Variants in ADCY3 observed in about 807,000 individuals in gnomAD.
ADCY3 encodes adenylate cyclase type 3.
ADCY3 carries 70 observed loss-of-function variants against 119.4 expected under a neutral mutation model. The ratio of observed to expected loss-of-function variants is 0.59; its 90% CI spans 0.48 to 0.72. The LOEUF is 0.72. Among genes scored for constraint, ADCY3 ranks in the 30% least tolerant of loss-of-function variants. The pLI is 0.00. For missense variants in ADCY3, 1,238 were observed against 1,541.6 expected, an observed-to-expected ratio of 0.80 and a Z score of 3.30; for synonymous variants, 672 against 621.4, an observed-to-expected ratio of 1.08 and a Z score of -1.21.
chr2:24,864,738 G>C (rs908767620), intron 3 of ADCY3, among the ~76,000 whole-genome samples: 4 of 152,220 alleles, frequency 2.6e-5, no homozygotes, highest in African/African-American at 9.6e-5. Flanking sequence ...AATGGGCACA[G>C]AGTTTCTCTT....
intron 3 of ADCY3, among the ~76,000 whole-genome samples, chr2:24,854,825 G>A (rs534923013): frequency 9.2e-5 from 14 of 152,172 alleles, no homozygotes; most frequent in East Asian, 3.9e-4. Flanking sequence ...TGAGGTGGGC[G>A]GATCACTTAA....
At chr2:24,833,182 G>A (rs1012094564) in intron 11 of ADCY3, among the ~76,000 whole-genome samples, 2 of 152,210 alleles carry the variant, frequency 1.3e-5, no homozygotes, top group Non-Finnish European at 2.9e-5. Context: ...CACAACAGGG[G>A]ACTCCTCTGC....
chr2:24,834,894 G>T lies in ADCY3; in HGVS notation c.1705C>A (p.Leu569Met), dbSNP rs1327311702. The change falls in exon 10 of 22, where the codon CTG (leucine) becomes ATG (methionine). Residue 569 changes from leucine (L) to methionine (M), a missense_variant. Coordinates refer to ENST00000679454, the MANE Select transcript of ADCY3 (RefSeq NM_004036.5). This position sits in a 1 kb window ranked among gnomAD's most constrained non-coding sequence, Gnocchi z 4.2. ...ACCACTCGGTCAGCCAGGTCCTGCA[G>T]GCGCAGCCTCCGGCGTGGGTTGGGG... ...SFPNPRRRLR[L>M]QDLADRVVDA... 1 of 1,613,916 alleles carries T rather than the reference G, an allele frequency of 6.2e-7. No homozygotes were observed. The highest frequency in any genetic ancestry group is 8.5e-7 in the Non-Finnish European group (1 of 1,179,982).
intron 2 of ADCY3, among the ~76,000 whole-genome samples, chr2:24,879,591 G>A (rs1044586445): frequency 2.0e-5 from 3 of 151,876 alleles, no homozygotes; most frequent in Non-Finnish European, 4.4e-5. Flanking sequence ...CTTTGAGGAC[G>A]TTTTACAAGA....
intron 16 of ADCY3, among the ~76,000 whole-genome samples, chr2:24,824,921 AG>A (rs1232773891): frequency 6.6e-6 from 1 of 152,188 alleles, no homozygotes; most frequent in Non-Finnish European, 1.5e-5. Context: ...ACGTGAATGG[AG>A]GAACTCCCCT....
chr2:24,822,727 C>T, intron 18 of ADCY3, 97 bp from the exon 19 acceptor site: 1 of 1,483,572 alleles, frequency 6.7e-7, no homozygotes, highest in Non-Finnish European at 9.1e-7. Context: ...CCCCACTAAA[C>T]CCAAGAGACA....
chr2:24,821,299 A>G, intron 20 of ADCY3: 1 of 598,800 alleles, frequency 1.7e-6, no homozygotes, highest in African/African-American at 1.9e-5. Flanking sequence ...AACAGTAGGC[A>G]CAGTATAGTC....
intron 19 of ADCY3, 165 bp downstream of exon 19, chr2:24,822,346 C>T: frequency 9.8e-7 from 1 of 1,024,150 alleles, no homozygotes; most frequent in Non-Finnish European, 1.4e-6. Flanking sequence ...GCTTGCCGAA[C>T]TTTCTCAATA....
chr2:24,885,605 C>G (rs886284312), intron 2 of ADCY3, among the ~76,000 whole-genome samples: 3 of 152,160 alleles, frequency 2.0e-5, no homozygotes, highest in African/African-American at 7.2e-5. Context: ...CTCCTTTTTC[C>G]TCACTCTTGC....
chr2:24,846,127 G>A (rs1469105931), intron 3 of ADCY3, among the ~76,000 whole-genome samples: 1 of 152,264 alleles, frequency 6.6e-6, no homozygotes, highest in African/African-American at 2.4e-5. Flanking sequence ...GGGCAGTGTG[G>A]AAGGGAAATG....
rs148940746 is a variant in ADCY3 at position 24,878,932 on chromosome 2, G to A, written c.676-6213C>T. Among the ~76,000 whole-genome samples, 38 of 152,236 alleles carry A rather than the reference G, an allele frequency of 2.5e-4. No individual in the cohort carries two copies. The East Asian group carries it at 6.8e-3, about 27-fold the overall frequency. On this transcript the variant is annotated intron_variant, in intron 2 of 21. Coordinates refer to ENST00000679454, the MANE Select transcript of ADCY3 (RefSeq NM_004036.5). This position sits in a 1 kb window ranked among gnomAD's most constrained non-coding sequence, Gnocchi z 4.0. ...TCTGTCCTCACTCCTTCGCCTCGTC[G>A]CCTGGAAAGCAAACTCCATGCAGCC...
intron 2 of ADCY3, among the ~76,000 whole-genome samples, chr2:24,911,132 CCTT>C (rs1262832927): frequency 1.3e-5 from 2 of 152,028 alleles, no homozygotes; most frequent in East Asian, 3.9e-4. Context: ...CCAAATTGCT[CCTT>C]CTAATGCTTG....
chr2:24,837,592 C>T (rs965912376), intron 8 of ADCY3, among the ~76,000 whole-genome samples: 6 of 152,230 alleles, frequency 3.9e-5, no homozygotes, highest in Non-Finnish European at 8.8e-5. Flanking sequence ...ACTTCCCTGA[C>T]AGTCACCAAG....
intron 2 of ADCY3, among the ~76,000 whole-genome samples, chr2:24,887,022 G>A (rs570435780): frequency 7.7e-4 from 118 of 152,286 alleles, no homozygotes; most frequent in African/African-American, 2.7e-3. Flanking sequence ...GTATTAGTCC[G>A]TTTTTGTACT....
In ADCY3 at chr2:24,828,094, C is replaced by G. The variant is rs746001072; in HGVS notation, c.2240G>C (p.Cys747Ser). ...GTTGTAATACTTGGGGTTCTCCAGG[C>G]AGCTGCCCTCCGTTTCCATCCCTGC... is the stretch of plus-strand genomic sequence containing the variant. ...ATAGMETEGSCLENPKYYNYV... is the reference protein window; with the variant it reads ...ATAGMETEGSSLENPKYYNYV... Residue 747 changes from cysteine to serine, a missense_variant, in exon 14 of 22, where the codon TGC (cysteine) becomes TCC (serine). Physicochemically the swap from Cys to Ser is moderately radical, Grantham distance 112. This residue lies in a region of ADCY3 where 499 missense variants were observed against 571.0 expected (regional missense o/e 0.87). Coordinates refer to ENST00000679454, the MANE Select transcript of ADCY3 (RefSeq NM_004036.5). 4.3e-6 allele frequency: 7 copies of G among 1,614,052 alleles called. No homozygotes were observed.
rs1440344029 is a variant in ADCY3, at chr2:24,919,004, T to C, written c.-17A>G. The C allele has an allele frequency of 2.0e-6, 3 of 1,535,644 alleles. No individual in the cohort carries two copies. The highest frequency in any genetic ancestry group is 2.6e-6 in the Non-Finnish European group (3 of 1,145,348). On this transcript the variant is annotated 5_prime_UTR_variant, in exon 2 of 22. Transcript: ENST00000679454. This position sits in a 1 kb window ranked among gnomAD's most constrained non-coding sequence, Gnocchi z 5.5. ...CCTCGGCATACTGGCTGGTGTCTGC[T>C]ACTGGCCCTAGAGAAGTGGACTGGG...
intron 2 of ADCY3, among the ~76,000 whole-genome samples, chr2:24,879,199 G>A (rs1054629389): frequency 2.0e-5 from 3 of 152,210 alleles, no homozygotes; most frequent in Admixed American, 6.5e-5. Flanking sequence ...TGGGCCGGGC[G>A]CGGTGGCTCA....
chr2:24,847,968 G>C (rs1671842789), intron 3 of ADCY3, among the ~76,000 whole-genome samples: 1 of 152,214 alleles, frequency 6.6e-6, no homozygotes, highest in South Asian at 2.1e-4. Flanking sequence ...GTGTGCTTGA[G>C]GCTCGCGGGG....
At chr2:24,823,469 C>A in intron 17 of ADCY3, 114 bp from the exon 18 acceptor site, 6 of 1,072,910 alleles carry the variant, frequency 5.6e-6, no homozygotes, top group South Asian at 1.7e-5. Flanking sequence ...TTTGGACTCA[C>A]ACATCAGTCA....
Sources: allele counts gnomAD v4.1 joint callset (sites outside exome capture counted in the v4.1 genomes callset), GRCh38; gene constraint gnomAD v4.1.1; regional missense constraint gnomAD v4.1.1; non-coding constraint Gnocchi (gnomAD v3.1); transcripts MANE v1.5; gene names NCBI Gene and HGNC (gene_info 2026-07-23, HGNC 2026-07-21).